The following ADAMTS18 variants were observed in gnomAD, a reference collection of about 807,000 sequenced individuals.
The protein encoded by ADAMTS18 is ADAM metallopeptidase with thrombospondin type 1 motif 18.
Under a neutral mutation model 165.9 loss-of-function variants are expected in ADAMTS18, and 157 were observed. That is an observed-to-expected ratio of 0.95 (90% CI 0.83 to 1.08). The LOEUF (loss-of-function observed/expected upper bound fraction) is 1.08. Ranked by LOEUF, ADAMTS18 falls within the 50% of genes least tolerant of loss-of-function variation. The pLI is 0.00. For synonymous variants in ADAMTS18, 782 were observed against 578.2 expected (o/e 1.35, Z -5.06); for missense variants, 2,040 against 1,534.0 (o/e 1.33, Z -5.51).
At position 77,321,215 on chromosome 16, in the gene ADAMTS18, C is replaced by CA. The variant is rs35570495; in HGVS notation, c.2164-14dup. The CA allele has an allele frequency of 3.1e-6, 5 of 1,613,838 alleles. No individual in the cohort carries two copies. The East Asian group carries it at 6.7e-5, about 22-fold the overall frequency. On this transcript the variant is annotated splice_polypyrimidine_tract_variant and intron_variant, in intron 14 of 22. Transcript: ENST00000282849. ...CACATCCCACTAGCTGTGACAAAAA[C>CA]AAAAAACGTGAGAAAATAAAAGATC...
intron 9 of ADAMTS18, 67 bp downstream of exon 9, chr16:77,355,873 G>A: frequency 6.3e-7 from 1 of 1,591,996 alleles, no homozygotes; most frequent in Non-Finnish European, 8.6e-7. Context: ...TTCGTTTGCA[G>A]GTCTATGGAG....
chr16:77,334,785 A>T (rs1417109654), intron 12 of ADAMTS18, among the ~76,000 whole-genome samples: 3 of 102,372 alleles, frequency 2.9e-5, no homozygotes, highest in East Asian at 3.6e-4. Context: ...TATAGTATAC[A>T]GTAAATATAC....
chr16:77,387,828 T>C (rs1463568661), intron 3 of ADAMTS18, among the ~76,000 whole-genome samples: 2 of 152,184 alleles, frequency 1.3e-5, no homozygotes, highest in African/African-American at 4.8e-5. Context: ...ACCTTTTCTA[T>C]CCAGGAGTTT....
At chr16:77,335,283 A>G (rs531911784) in intron 12 of ADAMTS18, among the ~76,000 whole-genome samples, 1 of 151,680 alleles carries the variant, frequency 6.6e-6, no homozygotes, top group Non-Finnish European at 1.5e-5. Flanking sequence ...AAAAAAAAAA[A>G]AAAATTGAAC....
At chr16:77,377,705 T>G (rs1282242157) in intron 3 of ADAMTS18, among the ~76,000 whole-genome samples, 3 of 152,204 alleles carry the variant, frequency 2.0e-5, no homozygotes, top group Non-Finnish European at 2.9e-5. Context: ...CTTTTTAATT[T>G]TGAATCTATC....
At chr16:77,334,593 G>A (rs2056259619) in intron 12 of ADAMTS18, among the ~76,000 whole-genome samples, 1 of 107,926 alleles carries the variant, frequency 9.3e-6, no homozygotes. Flanking sequence ...ATAGTATATA[G>A]TATATATATA....
intron 3 of ADAMTS18, among the ~76,000 whole-genome samples, chr16:77,389,286 C>A (rs1239080413): frequency 2.0e-5 from 3 of 152,210 alleles, no homozygotes; most frequent in African/African-American, 7.2e-5. Context: ...GTCTAGGCGA[C>A]AGAGTGAGAC....
rs185545729 is a variant in ADAMTS18, at chr16:77,327,662, C to T, written c.1860-1624G>A. 7.2e-5 allele frequency among the ~76,000 whole-genome samples: 11 copies of T among 152,274 alleles called. No homozygotes were observed. In the East Asian group the frequency reaches 2.1e-3, roughly 29 times the overall value. On this transcript the variant is annotated intron_variant, in intron 12 of 22. Transcript: ENST00000282849. ...ATTCCTGACCCTCATCATATTAGCC[C>T]CTGTGTTAAGGAAATCTGTAAACAC...
intron 2 of ADAMTS18, among the ~76,000 whole-genome samples, chr16:77,432,698 G>C (rs1455936423): frequency 1.3e-5 from 2 of 151,876 alleles, no homozygotes; most frequent in Non-Finnish European, 2.9e-5. Flanking sequence ...TGGGTCCCCA[G>C]TTACTGGAGG....
At chr16:77,344,424 C>T (rs2056445663) in intron 10 of ADAMTS18, among the ~76,000 whole-genome samples, 1 of 152,040 alleles carries the variant, frequency 6.6e-6, no homozygotes, top group African/African-American at 2.4e-5. Context: ...GTCATCATCG[C>T]TACGTGTTGT....
chr16:77,387,125 C>T (rs1022219463), intron 3 of ADAMTS18, among the ~76,000 whole-genome samples: 1 of 152,122 alleles, frequency 6.6e-6, no homozygotes, highest in East Asian at 1.9e-4. Context: ...GCGGTTAACT[C>T]GCTACATGTA....
At chr16:77,366,742 T>A (rs1006554040) in intron 4 of ADAMTS18, among the ~76,000 whole-genome samples, 7 of 152,232 alleles carry the variant, frequency 4.6e-5, no homozygotes, top group Non-Finnish European at 7.3e-5. Flanking sequence ...GTTTAAGTGC[T>A]GTAAGTTTAA....
chr16:77,388,474 G>A (rs941946577), intron 3 of ADAMTS18, among the ~76,000 whole-genome samples: 6 of 152,102 alleles, frequency 3.9e-5, no homozygotes, highest in African/African-American at 1.4e-4. Context: ...TCGTGATCAC[G>A]CCACAGACTG....
intron 3 of ADAMTS18, among the ~76,000 whole-genome samples, chr16:77,402,329 C>T (rs1200530873): frequency 6.6e-6 from 1 of 152,178 alleles, no homozygotes; most frequent in Non-Finnish European, 1.5e-5. Flanking sequence ...TCCAGTCCCT[C>T]CACCTCTGAG....
At chr16:77,387,709 A>T (rs2057128959) in intron 3 of ADAMTS18, among the ~76,000 whole-genome samples, 1 of 152,192 alleles carries the variant, frequency 6.6e-6, no homozygotes, top group Admixed American at 6.5e-5. Context: ...ACTTCTGCCA[A>T]AAAAATTTTA....
intron 12 of ADAMTS18, among the ~76,000 whole-genome samples, chr16:77,334,727 A>ATATACTATAGCATATATACTG (rs2056267134): frequency 2.7e-5 from 2 of 73,422 alleles, no homozygotes; most frequent in Non-Finnish European, 4.7e-5. Context: ...GTATACTACT[A>ATATACTATAGCATATATACTG]TATACTATAG....
chr16:77,297,963 C>T (rs1040875854), intron 17 of ADAMTS18, among the ~76,000 whole-genome samples: 3 of 112,262 alleles, frequency 2.7e-5, no homozygotes, highest in Admixed American at 1.3e-4. Context: ...CTCATTCTGT[C>T]GCCCAGGCTG....
intron 3 of ADAMTS18, among the ~76,000 whole-genome samples, chr16:77,400,506 G>A (rs2057316783): frequency 1.3e-5 from 2 of 148,572 alleles, no homozygotes; most frequent in South Asian, 4.2e-4. Context: ...TTTTGAGACG[G>A]AGTCTCGCTC....
chr16:77,431,534 T>G lies in ADAMTS18; in HGVS notation c.256A>C (p.Lys86Gln). The G allele has an allele frequency of 6.2e-7, 1 of 1,614,178 alleles. No homozygotes were observed. The highest frequency in any genetic ancestry group is 8.5e-7 in the Non-Finnish European group (1 of 1,180,034). Residue 86 changes from lysine (K) to glutamine (Q), a missense_variant, in exon 3 of 23, where the codon AAA becomes CAA. Transcript: ENST00000282849. ...CTGGCATTCTGCGCCGATCGCTTTT[T>G]CCTGCCGTTGTGCAAAATGTCGTGT... ...ISHDILHNGR[K>Q]KRSAQNARSS...
Sources: allele counts gnomAD v4.1 joint callset (sites outside exome capture counted in the v4.1 genomes callset), GRCh38; gene constraint gnomAD v4.1.1; transcripts MANE v1.5; gene names NCBI Gene and HGNC (gene_info 2026-07-23, HGNC 2026-07-21).